Variants in ORC4 observed in about 807,000 individuals in gnomAD.
ORC4 encodes the protein origin recognition complex, subunit 4 homolog.
A neutral mutation model predicts 63.9 loss-of-function variants in ORC4; 55 were observed. That is an observed-to-expected ratio of 0.86 (90% confidence interval 0.69 to 1.08). The LOEUF (loss-of-function observed/expected upper bound fraction) is 1.08, where lower values mean the gene tolerates loss of function less well. Ranked by LOEUF, ORC4 falls within the 50% of genes least tolerant of loss-of-function variation. The pLI, the probability that ORC4 is intolerant of heterozygous loss-of-function variation, is 0.00. For missense variants in ORC4, 511 were observed against 504.4 expected, an observed-to-expected ratio of 1.01 and a Z score of -0.13; for synonymous variants, 150 against 168.5, an observed-to-expected ratio of 0.89 and a Z score of 0.85.
intron 1 of ORC4, among the ~76,000 whole-genome samples, chr2:148,012,086 A>G (rs1693003383): frequency 1.3e-5 from 2 of 150,704 alleles, no homozygotes; most frequent in South Asian, 2.1e-4. Flanking sequence ...ACAGAAATAG[A>G]AAAAAAAAAT....
chr2:147,968,144 A>G (rs1407753811), intron 4 of ORC4, among the ~76,000 whole-genome samples: 1 of 152,104 alleles, frequency 6.6e-6, no homozygotes, highest in Non-Finnish European at 1.5e-5. Flanking sequence ...AAATCATTTC[A>G]TAATAGATCA....
intron 1 of ORC4, among the ~76,000 whole-genome samples, chr2:148,005,069 G>A (rs1692543767): frequency 6.6e-6 from 1 of 152,072 alleles, no homozygotes; most frequent in Non-Finnish European, 1.5e-5. Context: ...TATACCCAAA[G>A]GATTATAAAT....
chr2:147,948,809 A>G (rs1157566786), intron 8 of ORC4, among the ~76,000 whole-genome samples: 7 of 151,648 alleles, frequency 4.6e-5, no homozygotes, highest in African/African-American at 7.2e-5. Flanking sequence ...TTGTAAGGAC[A>G]TACGAAGTGT....
At chr2:147,978,105 C>T (rs541126186) in intron 1 of ORC4, among the ~76,000 whole-genome samples, 113 of 152,226 alleles carry the variant, frequency 7.4e-4, no homozygotes, top group African/African-American at 2.6e-3. Context: ...AGCCCCATCT[C>T]CCTCCAGGAT....
At chr2:147,945,741 C>T (rs1531032) in intron 9 of ORC4, among the ~76,000 whole-genome samples, 49,426 of 151,862 alleles carry the variant, frequency 0.33, 8,289 homozygotes, top group East Asian at 0.51. Context: ...GACCTGTTAT[C>T]TGTATCACTG....
intron 4 of ORC4, among the ~76,000 whole-genome samples, chr2:147,967,013 AG>A (rs2105335415): frequency 6.6e-6 from 1 of 152,318 alleles, no homozygotes; most frequent in East Asian, 1.9e-4. Context: ...GATTTATCCC[AG>A]GGATGCAAGG....
At chr2:147,962,158 G>A (rs917827685) in intron 4 of ORC4, among the ~76,000 whole-genome samples, 1 of 152,110 alleles carries the variant, frequency 6.6e-6, no homozygotes, top group Non-Finnish European at 1.5e-5. Context: ...TCTTCCCGTA[G>A]TCAGGAGGGA....
rs1351121105 is a variant in ORC4, at chr2:147,938,391, G to C, written c.961C>G (p.Leu321Val). 2 of 1,565,298 alleles carry C rather than the reference G, an allele frequency of 1.3e-6. No homozygotes were observed. The highest frequency in any genetic ancestry group is 2.7e-5 in the African/African-American group (2 of 73,836). The change falls in exon 12 of 14, where the codon CTA becomes GTA. Residue 321 changes from leucine (L) to valine (V), a missense_variant and splice_region_variant. Physicochemically the swap from Leu to Val is conservative, Grantham distance 32. Transcript: ENST00000392857. The part of the protein sequence containing the change: ...MDSKANIVHG[L>V]SVLEICLIIA... ...ATAAGACAGATTTCCAAGACTGATA[G>C]ACCTACAGTAAAAGGGAAAAAAAAC...
chr2:147,967,192 T>G (rs1689944078), intron 4 of ORC4, among the ~76,000 whole-genome samples: 2 of 151,368 alleles, frequency 1.3e-5, no homozygotes, highest in Admixed American at 1.3e-4. Flanking sequence ...CACAACACAG[T>G]AAAGGCCATA....
chr2:147,985,550 A>G (rs1194033060), intron 1 of ORC4, among the ~76,000 whole-genome samples: 2 of 152,178 alleles, frequency 1.3e-5, no homozygotes, highest in African/African-American at 4.8e-5. Flanking sequence ...TGACACTAAC[A>G]ACTTATTCCT....
rs758258444 is a variant in ORC4, at chr2:147,972,758, C to T, written c.206G>A (p.Arg69Gln). Reference protein sequence around the residue: ...ESNSVLIIGPRGSGKTMLINH... With the variant: ...ESNSVLIIGPQGSGKTMLINH... ...TTTTACCATAGTTTTTCCTGATCCT[C>T]GGGGTCCGATAATAAGGACAGAGTT... The change falls in exon 4 of 14, where the codon CGA (arginine) becomes CAA (glutamine). Residue 69 changes from arginine (R) to glutamine (Q), a missense_variant. Coordinates refer to ENST00000392857, the MANE Select transcript of ORC4 (RefSeq NM_181741.4). 1.6e-5 allele frequency: 26 copies of T among 1,609,028 alleles called. No homozygotes were observed. The highest frequency in any genetic ancestry group is 5.0e-5 in the Admixed American group (3 of 59,892).
In ORC4 at chr2:147,994,394, G is replaced by T. The variant is rs144721993; in HGVS notation, c.-17-18419C>A. On this transcript the variant is annotated intron_variant, in intron 1 of 13. Coordinates refer to ENST00000392857, the MANE Select transcript of ORC4 (RefSeq NM_181741.4). ...CAGAAAGACCCAGGAGAACCAACAC[G>T]ATACCGAAGGAGAACAAAGTTGGAG... 2.0e-3 allele frequency among the ~76,000 whole-genome samples: 309 copies of T among 152,278 alleles called. 1 individual carries two copies. Among genetic ancestry groups the T allele is most frequent in the Non-Finnish European group, 2.9e-3 (200 of 68,032 alleles).
intron 1 of ORC4, among the ~76,000 whole-genome samples, chr2:148,011,827 C>G (rs1481614263): frequency 6.6e-6 from 1 of 152,018 alleles, no homozygotes; most frequent in Non-Finnish European, 1.5e-5. Flanking sequence ...GACAACCTAT[C>G]TGAAAAAGAA....
intron 2 of ORC4, among the ~76,000 whole-genome samples, chr2:147,975,316 G>GT (rs1690485049): frequency 6.6e-6 from 1 of 151,896 alleles, no homozygotes; most frequent in Admixed American, 6.6e-5. Context: ...ATGAGGAAAC[G>GT]TAACGGAACT....
chr2:148,008,796 T>C (rs906150356), intron 1 of ORC4, among the ~76,000 whole-genome samples: 2 of 152,146 alleles, frequency 1.3e-5, no homozygotes, highest in Non-Finnish European at 2.9e-5. Flanking sequence ...CCCCTTCCCA[T>C]CCCTTGTCCA....
intron 1 of ORC4, among the ~76,000 whole-genome samples, chr2:148,002,443 T>C (rs557093356): frequency 1.2e-4 from 19 of 152,256 alleles, no homozygotes; most frequent in African/African-American, 4.1e-4. Context: ...AAATTAGAAC[T>C]CAGGATTAAG....
At chr2:147,935,868 C>T (rs987124136) in intron 13 of ORC4, among the ~76,000 whole-genome samples, 170 bp from the exon 14 acceptor site, 2 of 152,060 alleles carry the variant, frequency 1.3e-5, no homozygotes, top group Non-Finnish European at 2.9e-5. Context: ...CCCATGAAAA[C>T]TCATATTATC....
chr2:147,959,447 A>G (rs1689454039), intron 4 of ORC4, among the ~76,000 whole-genome samples: 1 of 152,008 alleles, frequency 6.6e-6, no homozygotes, highest in African/African-American at 2.4e-5. Flanking sequence ...TCCTTCCAAT[A>G]TTAAAATATA....
At chr2:147,954,789 A>G (rs552873761) in intron 7 of ORC4, among the ~76,000 whole-genome samples, 2 of 152,288 alleles carry the variant, frequency 1.3e-5, no homozygotes, top group East Asian at 3.9e-4. Flanking sequence ...ACATAAAAAT[A>G]ATAATTGTTT....
Sources: allele counts gnomAD v4.1 joint callset (sites outside exome capture counted in the v4.1 genomes callset), GRCh38; gene constraint gnomAD v4.1.1; transcripts MANE v1.5; gene names NCBI Gene and HGNC (gene_info 2026-07-23, HGNC 2026-07-21).